Variants in HAUS5 observed in about 807,000 individuals in gnomAD.
HAUS5 encodes HAUS augmin like complex subunit 5.
Under a neutral mutation model 94.1 loss-of-function variants are expected in HAUS5, and 67 were observed. The ratio of observed to expected loss-of-function variants is 0.71; its 90% CI spans 0.58 to 0.87. The LOEUF (loss-of-function observed/expected upper bound fraction) is 0.87, where lower values mean the gene tolerates loss of function less well. Among genes scored for constraint, HAUS5 ranks in the 40% least tolerant of loss-of-function variants. The pLI is 0.00. For synonymous variants in HAUS5, 339 were observed against 355.4 expected, an observed-to-expected ratio of 0.95 and a Z score of 0.52; for missense variants, 739 against 825.6, an observed-to-expected ratio of 0.90 and a Z score of 1.29.
chr19:35,618,128 G>C lies in HAUS5; in HGVS notation c.754G>C (p.Ala252Pro), dbSNP rs1967135010. ...HVLAALEHLA[A>P]EREAEIRSLC... ...CCTGGCTGCCTTGGAGCACCTGGCTGCAGAGCGGGAGGCAGAGATTCGGTC... is the reference window on the plus strand; with the variant it reads ...CCTGGCTGCCTTGGAGCACCTGGCTCCAGAGCGGGAGGCAGAGATTCGGTC... Residue 252 changes from alanine (A) to proline (P), a missense_variant, in exon 10 of 19, where the codon GCA becomes CCA. Physicochemically the swap from Ala to Pro is conservative, Grantham distance 27. Coordinates refer to ENST00000203166, the MANE Select transcript of HAUS5 (RefSeq NM_015302.2). 6.2e-7 allele frequency: 1 copy of C among 1,610,044 alleles called. No homozygotes were observed. Among genetic ancestry groups the C allele is most frequent in the Non-Finnish European group, 8.5e-7 (1 of 1,177,268 alleles).
In HAUS5 at chr19:35,615,064, A is replaced by G; in HGVS notation, c.242A>G (p.Glu81Gly). The change falls in exon 5 of 19, where the codon GAA (glutamate) becomes GGA (glycine). Residue 81 changes from glutamate (E) to glycine (G), a missense_variant. Physicochemically the swap from Glu to Gly is moderately conservative, Grantham distance 98 (BLOSUM62 -2). Transcript: ENST00000203166. The stretch of plus-strand genomic sequence containing the variant: ...CAGGTCCGTCGGAAGTTAGAGCTGG[A>G]AGCTGCTGTGACCCGCCTGCGGGCA... ...SPQVRRKLEL[E>G]AAVTRLRAEI... is the part of the protein sequence containing the mutation. 6.2e-7 allele frequency: 1 copy of G among 1,600,622 alleles called. No individual in the cohort carries two copies. The highest frequency in any genetic ancestry group is 1.3e-5 in the African/African-American group (1 of 74,798).
chr19:35,617,258 C>G (rs768765226), intron 7 of HAUS5, 29 bp from the exon 8 acceptor site: 2 of 1,607,320 alleles, frequency 1.2e-6, no homozygotes, highest in African/African-American at 2.7e-5. Context: ...TAGGGTCCCC[C>G]TCAGGTCCCT....
intron 17 of HAUS5, among the ~76,000 whole-genome samples, chr19:35,621,446 C>A (rs1420172359): frequency 6.6e-6 from 1 of 152,110 alleles, no homozygotes. Context: ...GGGCTCAAGC[C>A]ATCCTCCTGC....
In HAUS5 at chr19:35,624,108, T is replaced by TTG. The variant is rs1378286166; in HGVS notation, c.*1116_*1117insGT. ...TCTGTTCTTGTTTTCTTTTGTTTTT[T>TTG]TTTTTTTTTTTTTTGAGATGCAGTC... is the stretch of plus-strand genomic sequence containing the variant. On this transcript the variant is annotated 3_prime_UTR_variant, in exon 19 of 19. Coordinates refer to ENST00000203166, the MANE Select transcript of HAUS5 (RefSeq NM_015302.2). 2 of 142,744 alleles carry TTG rather than the reference T, an allele frequency of 1.4e-5. No homozygotes were observed. The highest frequency in any genetic ancestry group is 7.0e-5 in the Admixed American group (1 of 14,260). The allele number at this position is 142,744 out of a possible 1,614,324, so 8.8% of individuals were successfully genotyped here.
At chr19:35,614,969 G>T in intron 4 of HAUS5, 73 bp from the exon 5 acceptor site, 2 of 1,123,564 alleles carry the variant, frequency 1.8e-6, no homozygotes, top group Non-Finnish European at 1.3e-6. Context: ...CAGTTGAGGA[G>T]CCTGGTACCC....
At chr19:35,619,584 G>GCCCCCCCCCCCCCCCCCCACC in intron 14 of HAUS5, 29 bp from the exon 15 acceptor site, 1 of 1,533,894 alleles carries the variant, frequency 6.5e-7, no homozygotes, top group Non-Finnish European at 8.9e-7. Context: ...ATGTTGTGAT[G>GCCCCCCCCCCCCCCCCCCACC]CCCCACCCAC....
Position 35,615,108 on chromosome 19 carries a change from C to G in HAUS5, c.286C>G (p.Gln96Glu), listed in dbSNP as rs892741236. 1 of 1,609,232 alleles carries G rather than the reference C, an allele frequency of 6.2e-7. No individual in the cohort carries two copies. Among genetic ancestry groups the G allele is most frequent in the Non-Finnish European group, 8.5e-7 (1 of 1,177,766 alleles). ...RLRAEIQELD[Q>E]SLELMERDTE... is the part of the protein sequence containing the mutation. The stretch of plus-strand genomic sequence containing the variant: ...GCGGGCAGAAATCCAGGAACTCGAC[C>G]AGAGCCTGGAGCTGATGGAGCGAGA... Residue 96 changes from glutamine to glutamate, a missense_variant, in exon 5 of 19, where the codon CAG becomes GAG. Gln to Glu is a conservative substitution (Grantham distance 29, BLOSUM62 2). Transcript: ENST00000203166.
intron 17 of HAUS5, among the ~76,000 whole-genome samples, chr19:35,621,264 C>A (rs143871811): frequency 3.9e-5 from 6 of 152,326 alleles, no homozygotes; most frequent in African/African-American, 1.4e-4. Flanking sequence ...GCAATGAGAG[C>A]AGCCCCAGAC....
chr19:35,617,232 G>A (rs550959642), intron 7 of HAUS5, 39 bp downstream of exon 7: 2 of 1,609,222 alleles, frequency 1.2e-6, no homozygotes, highest in South Asian at 2.2e-5. Context: ...CAGGGAGCCT[G>A]GAGTCAGGCA....
rs763373494 is a variant in HAUS5 at position 35,618,488 on chromosome 19, C to T, written c.885+23C>T. On this transcript the variant is annotated intron_variant, in intron 11 of 18. Coordinates refer to ENST00000203166, the MANE Select transcript of HAUS5 (RefSeq NM_015302.2). ...CAGGTGACCCCAGGGCTCGCCTCCCCACCACATTCCAAGACTTCCTTAATC... is the reference window on the plus strand; with the variant it reads ...CAGGTGACCCCAGGGCTCGCCTCCCTACCACATTCCAAGACTTCCTTAATC... 5.0e-6 allele frequency: 8 copies of T among 1,613,990 alleles called. No individual in the cohort carries two copies. The South Asian group carries it at 6.6e-5, about 13-fold the overall frequency.
chr19:35,612,871 C>A lies in HAUS5; in HGVS notation c.77C>A (p.Ala26Asp). The A allele has an allele frequency of 6.5e-7, 1 of 1,545,284 alleles. No homozygotes were observed. Among genetic ancestry groups the A allele is most frequent in the Non-Finnish European group, 8.7e-7 (1 of 1,144,840 alleles). Reference protein sequence around the residue: ...EEMGVPVAARAPESTLRRLCL... With the variant: ...EEMGVPVAARDPESTLRRLCL... ...ATGGGGGTGCCCGTGGCGGCCCGGG[C>A]CCCGGAATCGACGCTGCGCAGGTGA... The change falls in exon 1 of 19, where the codon GCC becomes GAC. Residue 26 changes from alanine (A) to aspartate (D), a missense_variant. Ala to Asp is a moderately radical substitution (Grantham distance 126). Coordinates refer to ENST00000203166, the MANE Select transcript of HAUS5 (RefSeq NM_015302.2).
At chr19:35,621,756 G>A (rs1373819462) in intron 17 of HAUS5, among the ~76,000 whole-genome samples, 2 of 152,060 alleles carry the variant, frequency 1.3e-5, no homozygotes, top group Non-Finnish European at 2.9e-5. Context: ...CCCATCCCCA[G>A]AGTTCTCCCA....
chr19:35,618,527 A>G (rs372980526), intron 11 of HAUS5, 42 bp from the exon 12 acceptor site: 2 of 1,612,956 alleles, frequency 1.2e-6, no homozygotes, highest in Non-Finnish European at 1.7e-6. Flanking sequence ...TCACCCATGG[A>G]TCATGCCCTG....
chr19:35,622,704 C>G lies in HAUS5; in HGVS notation c.1755C>G (p.Ile585Met). Residue 585 changes from isoleucine to methionine, a missense_variant, in exon 18 of 19, where the codon ATC (isoleucine) becomes ATG (methionine). By Grantham distance (10) the Ile-to-Met change is conservative. Transcript: ENST00000203166. ...TACTGAAACAGGCACTGGAGCGAAT[C>G]CCTGAGCTGCAGGGGATCGTGGGGG... ...EKLLKQALER[I>M]PELQGIVGDW... 6.2e-7 allele frequency: 1 copy of G among 1,614,110 alleles called. No homozygotes were observed. The highest frequency in any genetic ancestry group is 8.5e-7 in the Non-Finnish European group (1 of 1,180,022).
chr19:35,618,376 C>T (rs2146338221), intron 10 of HAUS5, 26 bp from the exon 11 acceptor site: 1 of 1,611,196 alleles, frequency 6.2e-7, no homozygotes, highest in Non-Finnish European at 8.5e-7. Context: ...AGCACGGCTC[C>T]CTCAGCAGCT....
At chr19:35,617,420 G>A (rs1451051515) in intron 8 of HAUS5, 51 bp downstream of exon 8, 1 of 1,211,128 alleles carries the variant, frequency 8.3e-7, no homozygotes, top group Admixed American at 1.9e-5. Context: ...GGTTTTAAGT[G>A]GGGGTCTCTT....
rs1568331382 is a variant in HAUS5, at chr19:35,623,774, TG to T, written c.*782del. ...GGGAAGGTGGGTGGCAGGGATCAAC[TG>T]AGGAGGAGACACAGAAATGTCCTAG... On this transcript the variant is annotated 3_prime_UTR_variant, in exon 19 of 19. Transcript: ENST00000203166. 1 of 152,202 alleles carries T rather than the reference TG, an allele frequency of 6.6e-6. No homozygotes were observed. Among genetic ancestry groups the T allele is most frequent in the East Asian group, 1.9e-4 (1 of 5,202 alleles). 9.4% of individuals were successfully genotyped at this position (152,202 alleles called of 1,614,324 possible).
chr19:35,622,843 T>C (rs1967232791), intron 18 of HAUS5, 33 bp from the exon 19 acceptor site: 2 of 1,606,514 alleles, frequency 1.2e-6, no homozygotes, highest in Non-Finnish European at 1.7e-6. Context: ...GGAGGGTCAG[T>C]CCTTTCCTCG....
In HAUS5 at chr19:35,620,336, GC is replaced by G. The variant is rs746800808; in HGVS notation, c.1651+12del. On this transcript the variant is annotated intron_variant, in intron 17 of 18. Transcript: ENST00000203166. ...AGGCCTTCCCACCCAGGGTAGGTCT[GC>G]CCTGCCACCCCATCCAGCCTCCCCG... The G allele has an allele frequency of 2.1e-5, 34 of 1,609,548 alleles. No homozygotes were observed. The highest frequency in any genetic ancestry group is 2.8e-5 in the Non-Finnish European group (33 of 1,178,034).
Sources: allele counts gnomAD v4.1 joint callset (sites outside exome capture counted in the v4.1 genomes callset), GRCh38; gene constraint gnomAD v4.1.1; transcripts MANE v1.5; gene names NCBI Gene and HGNC (gene_info 2026-07-23, HGNC 2026-07-21).